The following ANKS1B variants were observed in gnomAD, a reference collection of about 807,000 sequenced individuals.
The protein encoded by ANKS1B is ankyrin repeat and sterile alpha motif domain containing 1B.
ANKS1B carries 36 observed loss-of-function variants against 148.3 expected under a neutral mutation model. That is an observed-to-expected ratio of 0.24 (90% confidence interval 0.19 to 0.32). ANKS1B has a LOEUF of 0.32. Ranked by LOEUF, ANKS1B falls within the 10% of genes least tolerant of loss-of-function variation. The probability of loss-of-function intolerance (pLI) is 1.00; values close to 1 mark genes in which losing one functional copy is unlikely to be tolerated. For synonymous variants in ANKS1B, 542 were observed against 560.8 expected, an observed-to-expected ratio of 0.97 and a Z score of 0.47; for missense variants, 1,157 against 1,542.6, an observed-to-expected ratio of 0.75 and a Z score of 4.19.
rs149765807 is a variant in ANKS1B, at chr12:99,762,452, A to C, written c.1128+10470T>G. Among the ~76,000 whole-genome samples, 27 of 151,704 alleles carry C rather than the reference A, an allele frequency of 1.8e-4. No homozygotes were observed. The East Asian group carries it at 4.9e-3, about 27-fold the overall frequency. On this transcript the variant is annotated intron_variant, in intron 8 of 26. Coordinates refer to ENST00000683438, the MANE Select transcript of ANKS1B (RefSeq NM_001352186.2). ...ATGGGGAAAGGACAAGCTATTCAATAAATAGTGCTGGGATACCTGGCTAGC... is the reference window on the plus strand; with the variant it reads ...ATGGGGAAAGGACAAGCTATTCAATCAATAGTGCTGGGATACCTGGCTAGC...
chr12:98,837,842 T>G (rs903106719), intron 17 of ANKS1B, among the ~76,000 whole-genome samples: 2 of 152,184 alleles, frequency 1.3e-5, no homozygotes, highest in Non-Finnish European at 2.9e-5. Context: ...ATGATGTAAA[T>G]GAAGCATTTT....
intron 19 of ANKS1B, among the ~76,000 whole-genome samples, chr12:98,821,854 G>A (rs577979903): frequency 5.3e-5 from 8 of 151,644 alleles, no homozygotes; most frequent in Admixed American, 6.6e-5. Context: ...GTGATCCACC[G>A]GCCTCAGCCT....
intron 12 of ANKS1B, among the ~76,000 whole-genome samples, chr12:99,248,822 T>C (rs978411534): frequency 2.6e-5 from 4 of 152,166 alleles, no homozygotes; most frequent in African/African-American, 9.7e-5. Flanking sequence ...CTATTAAAGA[T>C]AAGCTTTAAA....
At chr12:99,477,204 G>C (rs1292938726) in intron 10 of ANKS1B, among the ~76,000 whole-genome samples, 1 of 152,100 alleles carries the variant, frequency 6.6e-6, no homozygotes, top group Non-Finnish European at 1.5e-5. Flanking sequence ...ATTAAACAAA[G>C]GCATAAATAC....
rs2088911224 is a variant in ANKS1B at position 99,336,561 on chromosome 12, G to C, written c.1756+63070C>G. Reference sequence around the variant, plus strand: ...ATTTTTGTATACAATGAAAAATAGGGGTCTAGTTTCATTCTTCTCGTATGG... The same window carrying C: ...ATTTTTGTATACAATGAAAAATAGGCGTCTAGTTTCATTCTTCTCGTATGG... On this transcript the variant is annotated intron_variant, in intron 12 of 26. Transcript: ENST00000683438. 2.0e-5 allele frequency among the ~76,000 whole-genome samples: 3 copies of C among 151,654 alleles called. No individual in the cohort carries two copies. The South Asian group carries it at 6.3e-4, about 32-fold the overall frequency.
chr12:98,859,978 T>C lies in ANKS1B; in HGVS notation c.2779-27842A>G, dbSNP rs568722408. On this transcript the variant is annotated intron_variant, in intron 17 of 26. Transcript: ENST00000683438. The stretch of plus-strand genomic sequence containing the variant: ...CAGACAAACAGAAGTTAAATTGAAT[T>C]GATTTTATAAGCTGCAATAAGTACA... Among the ~76,000 whole-genome samples, 138 of 152,366 alleles carry C rather than the reference T, an allele frequency of 9.1e-4. 2 individuals carry two copies. Among genetic ancestry groups the C allele is most frequent in the African/African-American group, 3.3e-3 (136 of 41,588 alleles).
chr12:99,065,236 C>A (rs2043737803), intron 16 of ANKS1B, among the ~76,000 whole-genome samples: 1 of 152,140 alleles, frequency 6.6e-6, no homozygotes, highest in African/African-American at 2.4e-5. Context: ...ACTTTAAATG[C>A]TACTATTAAT....
intron 14 of ANKS1B, among the ~76,000 whole-genome samples, chr12:99,165,727 A>G (rs1601322470): frequency 6.6e-6 from 1 of 151,972 alleles, no homozygotes; most frequent in Non-Finnish European, 1.5e-5. Flanking sequence ...GCAATTCTAC[A>G]CAAACTCTTC....
At chr12:98,878,287 A>G (rs531778188) in intron 17 of ANKS1B, among the ~76,000 whole-genome samples, 11 of 152,070 alleles carry the variant, frequency 7.2e-5, no homozygotes, top group African/African-American at 2.4e-4. Flanking sequence ...TGAACACTTA[A>G]AAGGCCCCAT....
At chr12:99,020,383 C>G (rs1568396734) in intron 17 of ANKS1B, among the ~76,000 whole-genome samples, 1 of 152,054 alleles carries the variant, frequency 6.6e-6, no homozygotes, top group African/African-American at 2.4e-5. Context: ...GTTTTACTAA[C>G]ATAAAAGTAT....
chr12:98,939,361 AG>A (rs2099830979), intron 17 of ANKS1B, among the ~76,000 whole-genome samples: 2 of 152,234 alleles, frequency 1.3e-5, no homozygotes, highest in African/African-American at 4.8e-5. Flanking sequence ...AATTGATAAA[AG>A]TTTAGCCTAT....
At chr12:99,590,989 A>G (rs1350465315) in intron 9 of ANKS1B, among the ~76,000 whole-genome samples, 2 of 152,114 alleles carry the variant, frequency 1.3e-5, no homozygotes, top group African/African-American at 2.4e-5. Flanking sequence ...CTTTAGAACT[A>G]TCTTATACTT....
At chr12:99,495,381 A>G (rs1331120356) in intron 10 of ANKS1B, among the ~76,000 whole-genome samples, 3 of 94,246 alleles carry the variant, frequency 3.2e-5, no homozygotes, top group Non-Finnish European at 4.5e-5. Flanking sequence ...GTGTGTGTGT[A>G]GTTTATAATA....
At chr12:99,905,999 G>C (rs762239610) in intron 1 of ANKS1B, among the ~76,000 whole-genome samples, 14 of 152,160 alleles carry the variant, frequency 9.2e-5, no homozygotes, top group Non-Finnish European at 1.8e-4. Flanking sequence ...TCTTGAAGAG[G>C]TCATATAGAG....
intron 16 of ANKS1B, among the ~76,000 whole-genome samples, chr12:99,077,127 T>C (rs558297221): frequency 6.6e-6 from 1 of 152,168 alleles, no homozygotes; most frequent in Non-Finnish European, 1.5e-5. Context: ...ACCCTGGGAA[T>C]ACCACAGCCT....
At chr12:98,800,053 C>T (rs933562094) in intron 21 of ANKS1B, among the ~76,000 whole-genome samples, 5 of 151,870 alleles carry the variant, frequency 3.3e-5, no homozygotes, top group African/African-American at 1.2e-4. Context: ...CAGCAGAAGG[C>T]GTGGTCAGGG....
intron 9 of ANKS1B, among the ~76,000 whole-genome samples, chr12:99,616,032 G>A (rs904761371): frequency 6.6e-6 from 1 of 152,014 alleles, no homozygotes; most frequent in Non-Finnish European, 1.5e-5. Flanking sequence ...AGTGAACTCC[G>A]ATTCACAACT....
chr12:99,456,023 T>C (rs1263516151), intron 10 of ANKS1B, among the ~76,000 whole-genome samples: 1 of 151,986 alleles, frequency 6.6e-6, no homozygotes, highest in Non-Finnish European at 1.5e-5. Flanking sequence ...TCCACTTCAC[T>C]CTCCTGATAC....
At chr12:98,872,750 C>T (rs141164126) in intron 17 of ANKS1B, among the ~76,000 whole-genome samples, 3 of 152,254 alleles carry the variant, frequency 2.0e-5, no homozygotes, top group Non-Finnish European at 4.4e-5. Context: ...TGACACCTTG[C>T]TGATACCTTG....
Sources: allele counts gnomAD v4.1 joint callset (sites outside exome capture counted in the v4.1 genomes callset), GRCh38; gene constraint gnomAD v4.1.1; transcripts MANE v1.5; gene names NCBI Gene and HGNC (gene_info 2026-07-23, HGNC 2026-07-21).